CDH26: variants seen among roughly 807,000 people sequenced by gnomAD.
The protein encoded by CDH26 is cadherin 26.
CDH26 carries 83 observed loss-of-function variants against 90.3 expected under a neutral mutation model. That is an observed-to-expected ratio of 0.92 (90% CI 0.77 to 1.10). The LOEUF (loss-of-function observed/expected upper bound fraction) is 1.10, where lower values mean the gene tolerates loss of function less well. Ranked by LOEUF, CDH26 falls within the 50% of genes least tolerant of loss-of-function variation. CDH26 has a pLI of 0.00. For missense variants in CDH26, 1,013 were observed against 1,037.6 expected, an observed-to-expected ratio of 0.98 and a Z score of 0.33; for synonymous variants, 397 against 396.3, an observed-to-expected ratio of 1.00 and a Z score of -0.02.
At position 59,958,606 on chromosome 20, in the gene CDH26, C is replaced by T; in HGVS notation, c.-121C>T. The T allele has an allele frequency of 1.1e-6, 1 of 880,384 alleles. No individual in the cohort carries two copies. Among genetic ancestry groups the T allele is most frequent in the East Asian group, 2.5e-5 (1 of 40,412 alleles). 54.5% of individuals were successfully genotyped at this position (880,384 alleles called of 1,614,324 possible). A position where few individuals can be genotyped will look rare whatever the true frequency, so the allele number is the denominator to read the frequency against. On this transcript the variant is annotated 5_prime_UTR_variant, in exon 1 of 18. Coordinates refer to ENST00000348616, the MANE Select transcript of CDH26 (RefSeq NM_177980.4). ...GATGAAAGCATCTGGGCCAAAGTGA[C>T]CTGAAAACCTTTAGAGAAGAAGCTG...
At chr20:60,008,612 T>C (rs2061785597) in intron 17 of CDH26, among the ~76,000 whole-genome samples, 1 of 151,984 alleles carries the variant, frequency 6.6e-6, no homozygotes, top group South Asian at 2.1e-4. Context: ...GTTGTCAGAG[T>C]GGATGACAGA....
chr20:59,968,017 T>TTCTCTC, intron 1 of CDH26, among the ~76,000 whole-genome samples: 1 of 110,066 alleles, frequency 9.1e-6, no homozygotes, highest in Non-Finnish European at 1.8e-5. Context: ...CTTTCTTCCT[T>TTCTCTC]TCTCTCTGTC....
chr20:59,977,913 C>G (rs1184682008), intron 4 of CDH26, among the ~76,000 whole-genome samples: 2 of 152,184 alleles, frequency 1.3e-5, no homozygotes, highest in Non-Finnish European at 2.9e-5. Flanking sequence ...CTGGGCTCTG[C>G]CCATTCACCC....
chr20:59,984,558 A>G, intron 5 of CDH26, 81 bp from the exon 6 acceptor site: 1 of 1,187,086 alleles, frequency 8.4e-7, no homozygotes, highest in Non-Finnish European at 1.2e-6. Context: ...CCCCAATGCC[A>G]TTTAGCAAAT....
At chr20:59,967,953 T>TCCTTCCTTCCTTTCTCTCTGTCTCTCTC (rs2061190874) in intron 1 of CDH26, among the ~76,000 whole-genome samples, 2 of 80,100 alleles carry the variant, frequency 2.5e-5, no homozygotes, top group African/African-American at 1.5e-4. Flanking sequence ...CTTTCTTTCT[T>TCCTTCCTTCCTTTCTCTCTGTCTCTCTC]TCTATCTTTC....
At chr20:60,004,891 C>T (rs889836978) in intron 16 of CDH26, among the ~76,000 whole-genome samples, 4 of 151,256 alleles carry the variant, frequency 2.6e-5, no homozygotes, top group Admixed American at 2.6e-4. Context: ...AATGTTATGC[C>T]GTGCATAACT....
At chr20:59,993,305 GT>G (rs1215952698) in intron 10 of CDH26, among the ~76,000 whole-genome samples, 1 of 152,102 alleles carries the variant, frequency 6.6e-6, no homozygotes, top group Non-Finnish European at 1.5e-5. Flanking sequence ...GGTACAAGTG[GT>G]TTTTGGTTAC....
chr20:59,968,959 T>C lies in CDH26; in HGVS notation c.70-8T>C. The C allele has an allele frequency of 6.8e-7, 1 of 1,480,612 alleles. No homozygotes were observed. The allele number at this position is 1,480,612 out of a possible 1,614,324, so 91.7% of individuals were successfully genotyped here. A position where few individuals can be genotyped will look rare whatever the true frequency, so the allele number is the denominator to read the frequency against. On this transcript the variant is annotated splice_polypyrimidine_tract_variant and splice_region_variant and intron_variant, in intron 1 of 17. Transcript: ENST00000348616. Reference sequence around the variant, plus strand: ...TCTCTACTAATTAATATTATTTTTATTTTTAAGGTCAGTATCATTGACAGT... The same window carrying C: ...TCTCTACTAATTAATATTATTTTTACTTTTAAGGTCAGTATCATTGACAGT...
intron 4 of CDH26, among the ~76,000 whole-genome samples, chr20:59,979,515 C>T (rs554872119): frequency 1.4e-4 from 20 of 145,680 alleles, no homozygotes; most frequent in South Asian, 6.6e-4. Flanking sequence ...TCTGTTTTAT[C>T]GCTGAGTAGT....
At chr20:59,993,767 C>T (rs796817380) in intron 10 of CDH26, among the ~76,000 whole-genome samples, 4 of 152,192 alleles carry the variant, frequency 2.6e-5, no homozygotes, top group East Asian at 3.8e-4. Context: ...GATTCACTTG[C>T]AGTTTTAAGA....
intron 1 of CDH26, among the ~76,000 whole-genome samples, chr20:59,968,047 C>T (rs867133698): frequency 1.8e-4 from 25 of 137,346 alleles, no homozygotes; most frequent in African/African-American, 6.7e-4. Context: ...CTCTCTCTCT[C>T]TCTCTGTCTC....
intron 16 of CDH26, among the ~76,000 whole-genome samples, chr20:60,004,262 TTAA>T (rs1275250563): frequency 1.3e-5 from 2 of 152,218 alleles, no homozygotes; most frequent in Non-Finnish European, 2.9e-5. Context: ...CATGTCTGGC[TTAA>T]TGATGGGGAT....
chr20:59,980,779 A>G (rs777593874), intron 4 of CDH26, among the ~76,000 whole-genome samples: 2 of 152,084 alleles, frequency 1.3e-5, no homozygotes, highest in Non-Finnish European at 2.9e-5. Flanking sequence ...ATAAAATCCA[A>G]TTCATCAATA....
At chr20:59,985,431 G>A (rs1388937615) in intron 7 of CDH26, among the ~76,000 whole-genome samples, 2 of 152,114 alleles carry the variant, frequency 1.3e-5, no homozygotes, top group Non-Finnish European at 2.9e-5. Flanking sequence ...CAAGACACGG[G>A]AGGTGGGTGG....
chr20:60,030,046 T>C lies in CDH26; in HGVS notation c.948-1185T>C, dbSNP rs375141198. ...CAAGGAAGGGAGAAAGAAAGTGAACTGGGGATCCCTTCTGCCACCTTCCCC... is the reference window on the plus strand; with the variant it reads ...CAAGGAAGGGAGAAAGAAAGTGAACCGGGGATCCCTTCTGCCACCTTCCCC... On this transcript the variant is annotated intron_variant, in intron 7 of 8. Transcript: ENST00000370991. This position sits in a 1 kb window ranked among gnomAD's most constrained non-coding sequence, Gnocchi z 4.0. 4.6e-5 allele frequency among the ~76,000 whole-genome samples: 7 copies of C among 152,154 alleles called. No homozygotes were observed. The highest frequency in any genetic ancestry group is 1.3e-4 in the Admixed American group (2 of 15,276).
intron 1 of CDH26, among the ~76,000 whole-genome samples, chr20:59,961,792 A>T (rs2061078138): frequency 6.6e-6 from 1 of 152,062 alleles, no homozygotes; most frequent in Admixed American, 6.6e-5. Flanking sequence ...AAGGAAGAGG[A>T]GTTTTCTCCC....
At chr20:59,981,594 A>C (rs2061395896) in intron 4 of CDH26, among the ~76,000 whole-genome samples, 1 of 152,158 alleles carries the variant, frequency 6.6e-6, no homozygotes, top group African/African-American at 2.4e-5. Context: ...GAATCAGCCT[A>C]AAATTCTCAG....
chr20:60,015,883 C>A (rs775643948), downstream of CDH26, among the ~76,000 whole-genome samples: 3 of 152,166 alleles, frequency 2.0e-5, no homozygotes, highest in Admixed American at 6.5e-5. Flanking sequence ...GAAAGACTAT[C>A]TTTTCCTCAA....
intron 9 of CDH26, among the ~76,000 whole-genome samples, chr20:59,990,855 C>A (rs1441701981): frequency 6.6e-6 from 1 of 150,902 alleles, no homozygotes; most frequent in Non-Finnish European, 1.5e-5. Context: ...CCCACCCCTA[C>A]AATTTCTTTT....
Sources: gnomAD v4.1 joint callset for allele counts (sites outside exome capture counted in the v4.1 genomes callset) on GRCh38, gnomAD v4.1.1 for gene constraint, Gnocchi (gnomAD v3.1) non-coding constraint, MANE v1.5 for transcripts, NCBI Gene and HGNC (gene_info 2026-07-23, HGNC 2026-07-21) for gene names.